The following CTNND2 variants were observed in gnomAD, a reference collection of about 807,000 sequenced individuals.
The protein encoded by CTNND2 is catenin delta-2.
In CTNND2, 22 loss-of-function variants were observed where a neutral mutation model predicts 144.4. The observed-to-expected ratio is 0.15, with a 90% CI of 0.11 to 0.22. CTNND2 has a LOEUF of 0.22. CTNND2 is among the 10% of genes least tolerant of loss of function. The probability of loss-of-function intolerance (pLI) is 1.00; values close to 1 mark genes in which losing one functional copy is unlikely to be tolerated. For synonymous variants in CTNND2, 751 were observed against 695.6 expected (o/e 1.08, Z -1.25); for missense variants, 1,353 against 1,618.8 (o/e 0.84, Z 2.82).
intron 9 of CTNND2, among the ~76,000 whole-genome samples, chr5:11,265,936 T>C (rs1400418588): frequency 1.3e-5 from 2 of 152,038 alleles, no homozygotes; most frequent in African/African-American, 4.8e-5. Context: ...GGTCTGGAAC[T>C]CCTGACCTTG....
At chr5:11,784,561 G>A (rs1195144297) in intron 1 of CTNND2, among the ~76,000 whole-genome samples, 1 of 152,082 alleles carries the variant, frequency 6.6e-6, no homozygotes, top group Non-Finnish European at 1.5e-5. Flanking sequence ...AGATGCAAAG[G>A]GATTTTTCCA....
chr5:11,871,390 C>T (rs1416740660), intron 1 of CTNND2, among the ~76,000 whole-genome samples: 1 of 151,974 alleles, frequency 6.6e-6, no homozygotes, highest in Non-Finnish European at 1.5e-5. Context: ...AAAAACAGTC[C>T]CTGTCTAACA....
intron 9 of CTNND2, among the ~76,000 whole-genome samples, chr5:11,318,367 G>C (rs1751707099): frequency 6.6e-6 from 1 of 152,130 alleles, no homozygotes; most frequent in Non-Finnish European, 1.5e-5. Flanking sequence ...ATCAAGCCAT[G>C]CTGAAGGTTG....
intron 1 of CTNND2, among the ~76,000 whole-genome samples, chr5:11,738,349 G>A (rs1338567116): frequency 1.3e-5 from 2 of 152,292 alleles, no homozygotes; most frequent in Admixed American, 6.5e-5. Flanking sequence ...AAGCAGTTAG[G>A]CCCTGCATGC....
At chr5:11,729,748 G>A (rs1184160841) in intron 2 of CTNND2, among the ~76,000 whole-genome samples, 1 of 152,024 alleles carries the variant, frequency 6.6e-6, no homozygotes, top group African/African-American at 2.4e-5. Context: ...TCAATGCATA[G>A]AAACAAATCA....
chr5:11,184,778 T>C (rs966878192), intron 11 of CTNND2, among the ~76,000 whole-genome samples: 7 of 152,200 alleles, frequency 4.6e-5, no homozygotes, highest in Non-Finnish European at 8.8e-5. Context: ...AATCAAGTTA[T>C]GTAGAAACTT....
chr5:11,600,567 G>A (rs1188408241), intron 2 of CTNND2, among the ~76,000 whole-genome samples: 1 of 151,834 alleles, frequency 6.6e-6, no homozygotes, highest in Non-Finnish European at 1.5e-5. Flanking sequence ...TCAGCCCAGT[G>A]TGGTGGTGCA....
At chr5:11,902,875 A>G (rs1738021775) in intron 1 of CTNND2, among the ~76,000 whole-genome samples, 1 of 152,044 alleles carries the variant, frequency 6.6e-6, no homozygotes, top group African/African-American at 2.4e-5. Context: ...AGCAAAATAC[A>G]ACTTTGGGCA....
chr5:11,590,854 T>A (rs1779197192), intron 2 of CTNND2, among the ~76,000 whole-genome samples: 1 of 152,256 alleles, frequency 6.6e-6, no homozygotes, highest in Admixed American at 6.5e-5. Context: ...CTTTCTCAGA[T>A]TCAGCCCACT....
intron 1 of CTNND2, among the ~76,000 whole-genome samples, chr5:11,772,338 G>T (rs188657028): frequency 6.6e-6 from 1 of 152,164 alleles, no homozygotes; most frequent in African/African-American, 2.4e-5. Flanking sequence ...AAAGTCAAGT[G>T]GTAGGGCTTT....
At chr5:11,859,849 C>T (rs915988594) in intron 1 of CTNND2, among the ~76,000 whole-genome samples, 1 of 151,898 alleles carries the variant, frequency 6.6e-6, no homozygotes, top group African/African-American at 2.4e-5. Flanking sequence ...AGGTACCATA[C>T]CTATTTTGTA....
At chr5:11,824,089 G>A (rs368229579) in intron 1 of CTNND2, among the ~76,000 whole-genome samples, 5 of 105,510 alleles carry the variant, frequency 4.7e-5, no homozygotes, top group South Asian at 6.4e-4. Context: ...GCAACAGAGT[G>A]TCTCAAAAAA....
At chr5:11,180,098 G>A (rs1048669572) in intron 11 of CTNND2, among the ~76,000 whole-genome samples, 1 of 152,174 alleles carries the variant, frequency 6.6e-6, no homozygotes, top group Non-Finnish European at 1.5e-5. Flanking sequence ...AGCCCCATGT[G>A]TTGAGGGAGG....
intron 1 of CTNND2, among the ~76,000 whole-genome samples, chr5:11,807,200 T>C (rs1012907240): frequency 1.3e-5 from 2 of 152,186 alleles, no homozygotes; most frequent in Non-Finnish European, 2.9e-5. Flanking sequence ...ATTCCTCTGG[T>C]ACTGCTGGCA....
intron 10 of CTNND2, 135 bp downstream of exon 10, chr5:11,236,556 T>A: frequency 1.0e-6 from 1 of 972,318 alleles, no homozygotes; most frequent in South Asian, 1.6e-5. Flanking sequence ...ACATGCTATG[T>A]TCTAGTCATA....
chr5:11,387,289 C>G (rs1759190980), intron 6 of CTNND2, among the ~76,000 whole-genome samples: 1 of 151,922 alleles, frequency 6.6e-6, no homozygotes. Context: ...AATCATACCC[C>G]CACCATAAAC....
At chr5:11,080,261 TA>T (rs1449035760) in intron 16 of CTNND2, among the ~76,000 whole-genome samples, 8 of 152,100 alleles carry the variant, frequency 5.3e-5, no homozygotes, top group African/African-American at 1.9e-4. Flanking sequence ...CAAACCACAA[TA>T]AGTTATCACC....
chr5:11,404,602 CTTTT>C (rs555388304), intron 5 of CTNND2, among the ~76,000 whole-genome samples: 10 of 57,376 alleles, frequency 1.7e-4, no homozygotes, highest in East Asian at 7.0e-4. Flanking sequence ...TATCTGTATT[CTTTT>C]TTTTTTTTTT....
At chr5:11,233,095 C>T (rs1207768425) in intron 10 of CTNND2, among the ~76,000 whole-genome samples, 1 of 152,132 alleles carries the variant, frequency 6.6e-6, no homozygotes, top group East Asian at 1.9e-4. Context: ...GTCCATTAAA[C>T]CTCTCTTCTT....
Sources: allele counts gnomAD v4.1 joint callset (sites outside exome capture counted in the v4.1 genomes callset), GRCh38; gene constraint gnomAD v4.1.1; transcripts MANE v1.5; gene names NCBI Gene and HGNC (gene_info 2026-07-23, HGNC 2026-07-21).